GBF1: variants seen among roughly 807,000 people sequenced by gnomAD.
GBF1 encodes golgi brefeldin A resistant guanine nucleotide exchange factor 1, also known as Golgi-specific brefeldin A-resistance guanine nucleotide exchange factor 1.
GBF1 carries 114 observed loss-of-function variants against 210.5 expected under a neutral mutation model. The ratio of observed to expected loss-of-function variants is 0.54; its 90% CI spans 0.47 to 0.63. The LOEUF is 0.63. Ranked by LOEUF, GBF1 falls within the 30% of genes least tolerant of loss-of-function variation. The probability of loss-of-function intolerance (pLI) is 0.00; values close to 1 mark genes in which losing one functional copy is unlikely to be tolerated. For synonymous variants in GBF1, 850 were observed against 889.2 expected (o/e 0.96, Z 0.78); for missense variants, 1,851 against 2,357.7 (o/e 0.79, Z 4.45).
chr10:102,249,302 G>A (rs562187184), intron 1 of GBF1, among the ~76,000 whole-genome samples: 4 of 152,276 alleles, frequency 2.6e-5, no homozygotes, highest in African/African-American at 9.6e-5. Flanking sequence ...GCTAAAAGAT[G>A]GAGTGAGATA....
intron 4 of GBF1, among the ~76,000 whole-genome samples, chr10:102,346,393 G>A (rs995781219): frequency 8.5e-5 from 13 of 152,156 alleles, no homozygotes; most frequent in Non-Finnish European, 1.6e-4. Context: ...TTCCCCAAAA[G>A]GTTACATCAT....
intron 4 of GBF1, among the ~76,000 whole-genome samples, chr10:102,350,418 G>T (rs550117020): frequency 2.0e-5 from 3 of 152,018 alleles, no homozygotes; most frequent in African/African-American, 7.2e-5. Context: ...GCGGCAGTGA[G>T]TGTTCATTTC....
chr10:102,273,970 G>A (rs1415586033), intron 3 of GBF1, among the ~76,000 whole-genome samples: 1 of 152,172 alleles, frequency 6.6e-6, no homozygotes, highest in African/African-American at 2.4e-5. Flanking sequence ...TCATCTTGGT[G>A]AGCTGAGGGA....
chr10:102,288,565 GCCGGGCGCGGTGGCGGGCGCCTGTAGT>G (rs1225314131), intron 3 of GBF1, among the ~76,000 whole-genome samples: 11 of 151,574 alleles, frequency 7.3e-5, no homozygotes, highest in African/African-American at 2.7e-4. Context: ...CAAAAAATTA[GCCGGGCGCGGTGGCGGGCGCCTGTAGT>G]CCCAGCTACT....
chr10:102,304,579 C>T (rs2077671619), intron 3 of GBF1, among the ~76,000 whole-genome samples: 1 of 151,998 alleles, frequency 6.6e-6, no homozygotes, highest in African/African-American at 2.4e-5. Flanking sequence ...TAAAGACCAG[C>T]CTGGCCAACA....
intron 3 of GBF1, among the ~76,000 whole-genome samples, chr10:102,291,349 A>G (rs980244966): frequency 4.6e-5 from 7 of 152,162 alleles, no homozygotes; most frequent in African/African-American, 1.7e-4. Flanking sequence ...AACTTTTGGC[A>G]TGGGAGCAGT....
intron 3 of GBF1, among the ~76,000 whole-genome samples, chr10:102,266,226 G>A (rs924967277): frequency 6.6e-6 from 1 of 151,672 alleles, no homozygotes; most frequent in Non-Finnish European, 1.5e-5. Context: ...GTGACAGAGC[G>A]ATACTCTGTC....
chr10:102,249,337 C>T (rs1187504385), intron 1 of GBF1, among the ~76,000 whole-genome samples: 2 of 152,188 alleles, frequency 1.3e-5, no homozygotes, highest in Admixed American at 6.5e-5. Context: ...TATTTTTCAT[C>T]TCCAAGCTGG....
chr10:102,345,456 G>T (rs1361256765), intron 4 of GBF1, among the ~76,000 whole-genome samples: 1 of 151,014 alleles, frequency 6.6e-6, no homozygotes, highest in South Asian at 2.1e-4. Context: ...TTTGAGACCA[G>T]CCTAACATGG....
intron 4 of GBF1, among the ~76,000 whole-genome samples, chr10:102,345,389 A>G (rs977023769): frequency 2.0e-5 from 3 of 151,712 alleles, no homozygotes; most frequent in Non-Finnish European, 4.4e-5. Flanking sequence ...ACAGTGGCTC[A>G]TGCCTGTAAT....
chr10:102,259,185 G>A, intron 2 of GBF1, 151 bp downstream of exon 2: 1 of 592,564 alleles, frequency 1.7e-6, no homozygotes, highest in Non-Finnish European at 3.1e-6. Context: ...ATCCCAACTA[G>A]CATCAGATAT....
intron 3 of GBF1, among the ~76,000 whole-genome samples, chr10:102,340,115 C>G (rs1292785640): frequency 6.6e-6 from 1 of 151,324 alleles, no homozygotes; most frequent in African/African-American, 2.4e-5. Context: ...CACCATGCCC[C>G]ACTAATTTTT....
At position 102,260,083 on chromosome 10, in the gene GBF1, G is replaced by C. The variant is rs768560722; in HGVS notation, c.130G>C (p.Gly44Arg). 1 of 1,589,864 alleles carries C rather than the reference G, an allele frequency of 6.3e-7. No individual in the cohort carries two copies. The highest frequency in any genetic ancestry group is 1.7e-5 in the Admixed American group (1 of 59,848). Residue 44 changes from glycine (G) to arginine (R), a missense_variant, in exon 3 of 40, where the codon GGT (glycine) becomes CGT (arginine). Gly to Arg is a moderately radical substitution (Grantham distance 125). Around this residue, in one of 3 missense-constraint regions of GBF1, gnomAD observed 804 missense variants for 958.6 expected, o/e 0.84. Coordinates refer to ENST00000369983, the MANE Select transcript of GBF1 (RefSeq NM_001377137.1). ...ACGGGATCCTCTGCTGCATAGTTTC[G>C]GTCATCTAAAGGAGGTTTTAAACAG... ...EERDPLLHSF[G>R]HLKEVLNSIT... is the part of the protein sequence containing the mutation.
At chr10:102,336,967 T>C (rs2057791624) in intron 3 of GBF1, among the ~76,000 whole-genome samples, 1 of 152,186 alleles carries the variant, frequency 6.6e-6, no homozygotes, top group African/African-American at 2.4e-5. Flanking sequence ...GTTGAAAGTA[T>C]TTTAAAAATT....
Position 102,376,771 on chromosome 10 carries a change from G to A in GBF1, c.4259G>A (p.Arg1420Gln), listed in dbSNP as rs376441827. The A allele has an allele frequency of 1.7e-5, 28 of 1,608,848 alleles. No homozygotes were observed. The highest frequency in any genetic ancestry group is 1.6e-4 in the Middle Eastern group (1 of 6,084). ...DNFELCVKTLRIFVEASLNGG... is the reference protein window; with the variant it reads ...DNFELCVKTLQIFVEASLNGG... ...TTTGAGCTCTGCGTCAAGACTCTCC[G>A]GATCTTTGTGGAGGCCAGTCTGAAT... The change falls in exon 32 of 40, where the codon CGG (arginine) becomes CAG (glutamine). Residue 1420 changes from arginine to glutamine, a missense_variant. Physicochemically the swap from Arg to Gln is conservative, Grantham distance 43. Around this residue, in one of 3 missense-constraint regions of GBF1, gnomAD observed 967 missense variants for 1,247.7 expected, o/e 0.78. Transcript: ENST00000369983.
chr10:102,372,826 G>A (rs1342839474), intron 29 of GBF1, among the ~76,000 whole-genome samples: 1 of 152,162 alleles, frequency 6.6e-6, no homozygotes, highest in African/African-American at 2.4e-5. Flanking sequence ...AGAAACAGGA[G>A]AAAATCTTCA....
rs1309339947 is a variant in GBF1 at position 102,360,664 on chromosome 10, A to G, written c.1392+269A>G. 2.0e-5 allele frequency among the ~76,000 whole-genome samples: 3 copies of G among 152,220 alleles called. No homozygotes were observed. The East Asian group carries it at 5.8e-4, about 29-fold the overall frequency. ...TTGCCTCTTCTGCCTCTCTTGGTTG[A>G]GCCATAGTCAGCTTCAGAAACCTCA... On this transcript the variant is annotated intron_variant, in intron 12 of 39. Transcript: ENST00000369983.
At chr10:102,362,742 TC>T in intron 15 of GBF1, 78 bp downstream of exon 15, 1 of 1,109,522 alleles carries the variant, frequency 9.0e-7, no homozygotes, top group Non-Finnish European at 1.3e-6. Flanking sequence ...GTTTTTCCTG[TC>T]CCCATATCAC....
chr10:102,251,746 G>A (rs2071569840), intron 1 of GBF1, among the ~76,000 whole-genome samples: 1 of 152,032 alleles, frequency 6.6e-6, no homozygotes, highest in Non-Finnish European at 1.5e-5. Flanking sequence ...TGTAGAGACA[G>A]GGTCTCGCCA....
Sources: allele counts gnomAD v4.1 joint callset (sites outside exome capture counted in the v4.1 genomes callset), GRCh38; gene constraint gnomAD v4.1.1; regional missense constraint gnomAD v4.1.1; transcripts MANE v1.5; gene names NCBI Gene and HGNC (gene_info 2026-07-23, HGNC 2026-07-21).